CRYBG1: variants seen among roughly 807,000 people sequenced by gnomAD.
The protein encoded by CRYBG1 is crystallin beta-gamma domain containing 1.
In CRYBG1, 139 loss-of-function variants were observed where a neutral mutation model predicts 189.2. The ratio of observed to expected loss-of-function variants is 0.73; its 90% confidence interval spans 0.64 to 0.85. CRYBG1 has a LOEUF of 0.85. CRYBG1 is among the 40% of genes least tolerant of loss of function. The pLI, the probability that CRYBG1 is intolerant of heterozygous loss-of-function variation, is 0.00. For synonymous variants in CRYBG1, 1,023 were observed against 1,017.1 expected (o/e 1.01, Z -0.11); for missense variants, 2,611 against 2,675.8 (o/e 0.98, Z 0.53).
rs73761805 is a variant in CRYBG1, at chr6:106,448,624, A to G, written c.174-3070A>G. Among the ~76,000 whole-genome samples the G allele has an allele frequency of 4.9e-3, 746 of 152,312 alleles. 6 individuals carry two copies. The highest frequency in any genetic ancestry group is 0.017 in the African/African-American group (717 of 41,558). On this transcript the variant is annotated intron_variant, in intron 1 of 21. Transcript: ENST00000633556. ...TCTGGTAGCTCAAATTCCATCTTAA[A>G]TATGTGTCATCTCTACCTCTCCCAA...
At chr6:106,483,414 TTATC>T (rs1203271758) in intron 2 of CRYBG1, among the ~76,000 whole-genome samples, 5 of 128,530 alleles carry the variant, frequency 3.9e-5, no homozygotes, top group Non-Finnish European at 3.5e-5. Context: ...AACATTTTCT[TTATC>T]TACTTATTTA....
intron 1 of CRYBG1, among the ~76,000 whole-genome samples, chr6:106,388,442 T>A (rs1289757285): frequency 6.6e-6 from 1 of 152,218 alleles, no homozygotes; most frequent in Admixed American, 6.5e-5. Flanking sequence ...CTTTATAAAT[T>A]TTTGGCAAAT....
chr6:106,431,157 C>T (rs192296325), intron 1 of CRYBG1, among the ~76,000 whole-genome samples: 74 of 152,252 alleles, frequency 4.9e-4, no homozygotes, highest in African/African-American at 1.6e-3. Flanking sequence ...CCACCACACC[C>T]GGCGTAGGGA....
chr6:106,519,344 T>G lies in CRYBG1; in HGVS notation c.2136T>G (p.Val712=). The change falls in exon 4 of 22, where the codon GTT becomes GTG. Residue 712 remains valine, a synonymous_variant. Coordinates refer to ENST00000633556, the MANE Select transcript of CRYBG1 (RefSeq NM_001371242.2). ...RNTPASSKTF[V]GRAKLNLAKK... ...CTCCTGCCTCTAGTAAAACGTTTGT[T>G]GGGAGGGCAAAGCTGAATTTAGCCA... The G allele has an allele frequency of 6.2e-7, 1 of 1,614,088 alleles. No individual in the cohort carries two copies. Among genetic ancestry groups the G allele is most frequent in the Non-Finnish European group, 8.5e-7 (1 of 1,180,022 alleles).
Position 106,568,540 on chromosome 6 carries a change from T to C in CRYBG1, c.6370T>C (p.Trp2124Arg). ...CAGCAAAGAGAAGTTTACACAAGTG[T>C]GGGAAGCCATGGTCCTATATACCTG... Reference protein sequence around the residue: ...TVSKEKFTQVWEAMVLYT With the variant: ...TVSKEKFTQVREAMVLYT Residue 2124 changes from tryptophan to arginine, a missense_variant, in exon 22 of 22, where the codon TGG (tryptophan) becomes CGG (arginine). Trp to Arg is a moderately radical substitution (Grantham distance 101, BLOSUM62 -3). Transcript: ENST00000633556. 6.2e-7 allele frequency: 1 copy of C among 1,613,008 alleles called. No homozygotes were observed. The highest frequency in any genetic ancestry group is 1.6e-4 in the Middle Eastern group (1 of 6,062).
intron 1 of CRYBG1, among the ~76,000 whole-genome samples, chr6:106,403,679 G>A (rs1770766106): frequency 6.6e-6 from 1 of 152,166 alleles, no homozygotes; most frequent in South Asian, 2.1e-4. Flanking sequence ...TAAGCGTGAT[G>A]TGCTCCATTA....
At chr6:106,497,972 A>G (rs1772892213) in intron 2 of CRYBG1, among the ~76,000 whole-genome samples, 1 of 152,060 alleles carries the variant, frequency 6.6e-6, no homozygotes, top group African/African-American at 2.4e-5. Flanking sequence ...GTGGTGGCGC[A>G]CGCCTGTAGT....
At chr6:106,555,569 G>C (rs2297971) in intron 16 of CRYBG1, among the ~76,000 whole-genome samples, 199 bp from the exon 17 acceptor site, 119,245 of 152,130 alleles carry the variant, frequency 0.78, 48,648 homozygotes, top group Non-Finnish European at 0.89. Context: ...CAAATGCAAA[G>C]TTAACTGACT....
chr6:106,544,578 G>T lies in CRYBG1; in HGVS notation c.5047G>T (p.Ala1683Ser). ...SMKVLRGIWV[A>S]YEKPGFTGHQ... ...GTGTTCTTTATGTTGCAGTTGGGTT[G>T]CATATGAGAAACCTGGATTTACCGG... The change falls in exon 12 of 22, where the codon GCA (alanine) becomes TCA (serine). Residue 1683 changes from alanine to serine, a missense_variant. Physicochemically the swap from Ala to Ser is moderately conservative, Grantham distance 99 (BLOSUM62 1). Coordinates refer to ENST00000633556, the MANE Select transcript of CRYBG1 (RefSeq NM_001371242.2). 1 of 1,613,666 alleles carries T rather than the reference G, an allele frequency of 6.2e-7. No individual in the cohort carries two copies. The highest frequency in any genetic ancestry group is 8.5e-7 in the Non-Finnish European group (1 of 1,179,796).
At chr6:106,500,972 T>G (rs1408495168) in intron 2 of CRYBG1, among the ~76,000 whole-genome samples, 1 of 152,220 alleles carries the variant, frequency 6.6e-6, no homozygotes, top group African/African-American at 2.4e-5. Flanking sequence ...GATACACTGT[T>G]GTCTGACTCT....
At chr6:106,389,778 A>AT (rs1420151808) in intron 1 of CRYBG1, among the ~76,000 whole-genome samples, 4 of 152,070 alleles carry the variant, frequency 2.6e-5, no homozygotes, top group African/African-American at 9.6e-5. Context: ...ATAAAAGCAT[A>AT]TTTTTATCAC....
In CRYBG1 at chr6:106,441,895, ATC is replaced by A. The variant is rs1242649418; in HGVS notation, c.174-9792_174-9791del. 8.5e-5 allele frequency among the ~76,000 whole-genome samples: 13 copies of A among 152,302 alleles called. No individual in the cohort carries two copies. In the South Asian group the frequency reaches 2.5e-3, roughly 29 times the overall value. On this transcript the variant is annotated intron_variant, in intron 1 of 21. Transcript: ENST00000633556. Reference sequence around the variant, plus strand: ...TTGAAAAACTAAAAAATATAAGGAAATCTCTCTCATATTGAAAATGATTTTTT... The same window carrying A: ...TTGAAAAACTAAAAAATATAAGGAAATCTCTCATATTGAAAATGATTTTTT...
intron 2 of CRYBG1, among the ~76,000 whole-genome samples, chr6:106,489,664 C>CAA (rs75108691): frequency 3.0e-3 from 344 of 115,646 alleles, no homozygotes; most frequent in East Asian, 0.012. Context: ...ACTAAAAATA[C>CAA]AAAAAAAAAA....
At chr6:106,381,367 T>A (rs746543705) in intron 1 of CRYBG1, among the ~76,000 whole-genome samples, 9 of 152,208 alleles carry the variant, frequency 5.9e-5, no homozygotes, top group Non-Finnish European at 1.2e-4. Flanking sequence ...TTCCTGGGTG[T>A]GTTACCTTAG....
rs771990517 is a variant in CRYBG1 at position 106,520,415 on chromosome 6, TC to T, written c.3209del (p.Pro1070LeufsTer19). ...SPSSGNHLAT[P>X]QRPDQTVTNG... ...CCAGCAGCGGAAATCACTTAGCCACTCCTCAAAGGCCAGATCAGACTGTTAC... is the reference window on the plus strand; with the variant it reads ...CCAGCAGCGGAAATCACTTAGCCACTCTCAAAGGCCAGATCAGACTGTTAC... On this transcript the variant is annotated frameshift_variant, in exon 4 of 22. Coordinates refer to ENST00000633556, the MANE Select transcript of CRYBG1 (RefSeq NM_001371242.2). LOFTEE classifies it high-confidence loss of function. 1 of 1,614,124 alleles carries T rather than the reference TC, an allele frequency of 6.2e-7. No homozygotes were observed.
intron 1 of CRYBG1, among the ~76,000 whole-genome samples, chr6:106,378,953 TG>T (rs1770231592): frequency 1.3e-5 from 2 of 151,960 alleles, no homozygotes; most frequent in Non-Finnish European, 2.9e-5. Context: ...GAAACCAACC[TG>T]GCCAAAAAAC....
rs869069058 is a variant in CRYBG1 at position 106,558,239 on chromosome 6, TTC to T, written c.5716-246_5716-245del. On this transcript the variant is annotated intron_variant, in intron 17 of 21. Coordinates refer to ENST00000633556, the MANE Select transcript of CRYBG1 (RefSeq NM_001371242.2). Reference sequence around the variant, plus strand: ...GCGTATACCCATTTCTCTTTTTTTTTTCCCCCTGTTTTACAAACTATTTATAT... The same window carrying T: ...GCGTATACCCATTTCTCTTTTTTTTTCCCCTGTTTTACAAACTATTTATAT... Among the ~76,000 whole-genome samples the T allele has an allele frequency of 2.7e-4, 8 of 29,210 alleles. No homozygotes were observed. The South Asian group carries it at 0.01, about 38-fold the overall frequency. 19.2% of individuals were successfully genotyped at this position (29,210 alleles called of 152,430 possible). A position where few individuals can be genotyped will look rare whatever the true frequency, so the allele number is the denominator to read the frequency against.
At chr6:106,523,203 C>A (rs1195266845) in intron 4 of CRYBG1, among the ~76,000 whole-genome samples, 1 of 152,108 alleles carries the variant, frequency 6.6e-6, no homozygotes, top group Non-Finnish European at 1.5e-5. Context: ...ATCTTGGAGA[C>A]CCCCGCAGTG....
At chr6:106,458,773 C>G (rs1258803555) in intron 2 of CRYBG1, among the ~76,000 whole-genome samples, 1 of 152,122 alleles carries the variant, frequency 6.6e-6, no homozygotes, top group Non-Finnish European at 1.5e-5. Flanking sequence ...GAGCATGATA[C>G]CACCCTTCTC....
Sources: gnomAD v4.1 joint callset for allele counts (sites outside exome capture counted in the v4.1 genomes callset) on GRCh38, gnomAD v4.1.1 for gene constraint, MANE v1.5 for transcripts, NCBI Gene and HGNC (gene_info 2026-07-23, HGNC 2026-07-21) for gene names.